Variants in FAM241A observed in about 807,000 individuals in gnomAD.
The protein encoded by FAM241A is uncharacterized protein FAM241A.
A neutral mutation model predicts 12.2 loss-of-function variants in FAM241A; 7 were observed. The ratio of observed to expected loss-of-function variants is 0.58; its 90% CI spans 0.33 to 1.08. The LOEUF is 1.08. FAM241A is among the 50% of genes least tolerant of loss of function. The pLI, the probability that FAM241A is intolerant of heterozygous loss-of-function variation, is 0.04. For missense variants in FAM241A, 161 were observed against 169.7 expected, an observed-to-expected ratio of 0.95 and a Z score of 0.29; for synonymous variants, 74 against 68.2, an observed-to-expected ratio of 1.08 and a Z score of -0.42.
In FAM241A at chr4:112,186,817, G is replaced by A. The variant is rs761025644; in HGVS notation, c.278G>A (p.Gly93Glu). ...ATGGGCTTCACAAGGATGTATTTTG[G>A]AGAACGAATAGTGGAACCAGTAATA... ...INMGFTRMYF[G>E]ERIVEPVIVI... The change falls in exon 2 of 2, where the codon GGA (glycine) becomes GAA (glutamate). Residue 93 changes from glycine (G) to glutamate (E), a missense_variant. Physicochemically the swap from Gly to Glu is moderately conservative, Grantham distance 98. Coordinates refer to ENST00000309733, the MANE Select transcript of FAM241A (RefSeq NM_152400.3). 6.2e-7 allele frequency: 1 copy of A among 1,613,872 alleles called. No homozygotes were observed. Among genetic ancestry groups the A allele is most frequent in the African/African-American group, 1.3e-5 (1 of 74,890 alleles).
In FAM241A at chr4:112,194,137, T is replaced by C. The variant is rs1348456205; in HGVS notation, c.*7199T>C. The C allele has an allele frequency of 7.4e-6, 1 of 135,974 alleles. No homozygotes were observed. The highest frequency in any genetic ancestry group is 1.6e-5 in the Non-Finnish European group (1 of 64,284). 8.4% of individuals were successfully genotyped at this position (135,974 alleles called of 1,614,324 possible). ...TGTGAATGGGAGTTCACTCATGATT[T>C]GGCTCTCTGTTTGTCTGTTATTGGT... On this transcript the variant is annotated 3_prime_UTR_variant, in exon 2 of 2. Coordinates refer to ENST00000309733, the MANE Select transcript of FAM241A (RefSeq NM_152400.3).
In FAM241A at chr4:112,188,606, G is replaced by A. The variant is rs2110437585; in HGVS notation, c.*1668G>A. ...AGTATAAGTGCAAGTTGTTTGAAAA[G>A]GTGTTTTTATTAGTGCACAATAGAA... is the stretch of plus-strand genomic sequence containing the variant. On this transcript the variant is annotated 3_prime_UTR_variant, in exon 2 of 2. Coordinates refer to ENST00000309733, the MANE Select transcript of FAM241A (RefSeq NM_152400.3). The A allele has an allele frequency of 6.6e-6, 1 of 152,146 alleles. No individual in the cohort carries two copies. Among genetic ancestry groups the A allele is most frequent in the South Asian group, 2.1e-4 (1 of 4,822 alleles). 9.4% of individuals were successfully genotyped at this position (152,146 alleles called of 1,614,324 possible).
chr4:112,171,136 A>G (rs1316269920), intron 1 of FAM241A: 3 of 411,772 alleles, frequency 7.3e-6, no homozygotes, highest in East Asian at 5.6e-5. Flanking sequence ...ATTGTACAGG[A>G]AAAAAAATGC....
chr4:112,161,473 G>C (rs1257968690), intron 1 of FAM241A, among the ~76,000 whole-genome samples: 1 of 152,152 alleles, frequency 6.6e-6, no homozygotes, highest in South Asian at 2.1e-4. Flanking sequence ...AAATGATAAA[G>C]GGGTATCACC....
chr4:112,179,821 A>G (rs1029333380), intron 1 of FAM241A, among the ~76,000 whole-genome samples: 17 of 148,806 alleles, frequency 1.1e-4, no homozygotes, highest in African/African-American at 3.7e-4. Context: ...CAAAAGACTC[A>G]TGCTCTCATA....
intron 1 of FAM241A, among the ~76,000 whole-genome samples, chr4:112,164,974 A>G (rs1035694356): frequency 3.3e-5 from 5 of 152,046 alleles, no homozygotes; most frequent in African/African-American, 1.2e-4. Context: ...CTAGCTAGGC[A>G]TGGGCTCAGC....
At chr4:112,175,620 T>C (rs1208638119) in intron 1 of FAM241A, among the ~76,000 whole-genome samples, 1 of 151,862 alleles carries the variant, frequency 6.6e-6, no homozygotes, top group African/African-American at 2.4e-5. Flanking sequence ...ATACGAAAAT[T>C]AGCTAGGTGT....
chr4:112,194,827 TG>T lies in FAM241A; in HGVS notation c.*7891del, dbSNP rs1724236004. 1 of 152,256 alleles carries T rather than the reference TG, an allele frequency of 6.6e-6. No homozygotes were observed. The highest frequency in any genetic ancestry group is 1.5e-5 in the Non-Finnish European group (1 of 68,064). The allele number at this position is 152,256 out of a possible 1,614,324, so 9.4% of individuals were successfully genotyped here. A position where few individuals can be genotyped will look rare whatever the true frequency, so the allele number is the denominator to read the frequency against. ...GCGAAGTCTCGCTCCGTTGCCAGGC[TG>T]GAGGGCAGTGGCACGATCTCGACTC... On this transcript the variant is annotated 3_prime_UTR_variant, in exon 2 of 2. Transcript: ENST00000309733.
chr4:112,173,025 C>T (rs1723755127), intron 1 of FAM241A, among the ~76,000 whole-genome samples: 1 of 152,050 alleles, frequency 6.6e-6, no homozygotes, highest in Non-Finnish European at 1.5e-5. Flanking sequence ...GCAGCTGGGA[C>T]TACAGGCACA....
chr4:112,145,557 G>A lies in FAM241A; in HGVS notation c.-24G>A, dbSNP rs1226540631. 13 of 1,243,808 alleles carry A rather than the reference G, an allele frequency of 1.0e-5. No homozygotes were observed. The highest frequency in any genetic ancestry group is 1.5e-5 in the African/African-American group (1 of 64,796). The allele number at this position is 1,243,808 out of a possible 1,614,324, so 77.0% of individuals were successfully genotyped here. A position where few individuals can be genotyped will look rare whatever the true frequency, so the allele number is the denominator to read the frequency against. On this transcript the variant is annotated 5_prime_UTR_variant, in exon 1 of 2. Coordinates refer to ENST00000309733, the MANE Select transcript of FAM241A (RefSeq NM_152400.3). ...CGGCGTGGTCCTCCGGCGGCTGTCC[G>A]GGGCGGTAGGAGTTGGCTGCGGGAT...
At chr4:112,151,554 A>G (rs956115821) in intron 1 of FAM241A, among the ~76,000 whole-genome samples, 4 of 152,286 alleles carry the variant, frequency 2.6e-5, no homozygotes, top group African/African-American at 9.6e-5. Context: ...GAGGTCTGAG[A>G]TTTTGCATCT....
intron 1 of FAM241A, among the ~76,000 whole-genome samples, chr4:112,154,424 T>C (rs1723310203): frequency 6.6e-6 from 1 of 152,018 alleles, no homozygotes; most frequent in Admixed American, 6.6e-5. Flanking sequence ...CATACTACCA[T>C]GCCTGGCTAA....
intron 1 of FAM241A, among the ~76,000 whole-genome samples, chr4:112,179,914 G>GATATATATATATATATATATAT (rs34513702): frequency 1.0e-4 from 12 of 117,748 alleles, no homozygotes; most frequent in African/African-American, 3.1e-4. Flanking sequence ...AAGAAAATGT[G>GATATATATATATATATATATAT]ATATATATAT....
chr4:112,173,112 C>T (rs891643974), intron 1 of FAM241A, among the ~76,000 whole-genome samples: 1 of 152,140 alleles, frequency 6.6e-6, no homozygotes, highest in African/African-American at 2.4e-5. Flanking sequence ...TGGTCTTGCA[C>T]TCCTGAACTC....
rs1203407370 is a variant in FAM241A at position 112,179,959 on chromosome 4, G to GTA, written c.154-6722_154-6721dup. On this transcript the variant is annotated intron_variant, in intron 1 of 1. Coordinates refer to ENST00000309733, the MANE Select transcript of FAM241A (RefSeq NM_152400.3). ...TATATGTATATGTGTGTGTGTGTGT[G>GTA]TATATATATATATCACATATATTAC... Among the ~76,000 whole-genome samples the GTA allele has an allele frequency of 2.6e-3, 326 of 123,096 alleles. 1 individual carries two copies. Among genetic ancestry groups the GTA allele is most frequent in the African/African-American group, 9.0e-3 (287 of 32,040 alleles). The allele number at this position is 123,096 out of a possible 152,430, so 80.8% of individuals were successfully genotyped here.
chr4:112,155,566 C>T (rs1723336580), intron 1 of FAM241A, among the ~76,000 whole-genome samples: 1 of 151,428 alleles, frequency 6.6e-6, no homozygotes, highest in South Asian at 2.1e-4. Flanking sequence ...TAGATGAAGC[C>T]TTATATAGGT....
intron 1 of FAM241A, among the ~76,000 whole-genome samples, chr4:112,158,702 T>G (rs904516928): frequency 6.6e-6 from 1 of 152,160 alleles, no homozygotes; most frequent in East Asian, 1.9e-4. Flanking sequence ...TTCTTATTTT[T>G]TCATTGCTAT....
intron 1 of FAM241A, among the ~76,000 whole-genome samples, chr4:112,166,611 A>G (rs990307527): frequency 5.3e-5 from 8 of 152,132 alleles, no homozygotes; most frequent in Non-Finnish European, 1.0e-4. Context: ...TGTTGTCAGA[A>G]TACTCCTGCT....
rs1431763565 is a variant in FAM241A at position 112,192,808 on chromosome 4, C to T, written c.*5870C>T. 5 of 151,768 alleles carry T rather than the reference C, an allele frequency of 3.3e-5. No individual in the cohort carries two copies. The highest frequency in any genetic ancestry group is 6.6e-5 in the Admixed American group (1 of 15,240). The allele number at this position is 151,768 out of a possible 1,614,324, so 9.4% of individuals were successfully genotyped here. The stretch of plus-strand genomic sequence containing the variant: ...TGTGAATAGTGCTGCAATAAACATA[C>T]GTGTGCATGTGTCTTTATAGCAGCA... On this transcript the variant is annotated 3_prime_UTR_variant, in exon 2 of 2. Transcript: ENST00000309733.
Sources: allele counts gnomAD v4.1 joint callset (sites outside exome capture counted in the v4.1 genomes callset), GRCh38; gene constraint gnomAD v4.1.1; transcripts MANE v1.5; gene names NCBI Gene and HGNC (gene_info 2026-07-23, HGNC 2026-07-21).